Variants in MMP24 observed in about 807,000 individuals in gnomAD.
The protein encoded by MMP24 is matrix metallopeptidase 24.
In MMP24, 25 loss-of-function variants were observed where a neutral mutation model predicts 62.8. The observed-to-expected ratio is 0.40, with a 90% CI of 0.29 to 0.56. The LOEUF (loss-of-function observed/expected upper bound fraction) is 0.56. MMP24 is among the 20% of genes least tolerant of loss of function. MMP24 has a pLI of 0.50. For synonymous variants in MMP24, 319 were observed against 350.5 expected, an observed-to-expected ratio of 0.91 and a Z score of 1.00; for missense variants, 634 against 853.6, an observed-to-expected ratio of 0.74 and a Z score of 3.21.
intron 1 of MMP24, among the ~76,000 whole-genome samples, chr20:35,240,246 T>C (rs926894913): frequency 6.6e-6 from 1 of 152,112 alleles, no homozygotes; most frequent in Non-Finnish European, 1.5e-5. Flanking sequence ...CTGCCACCAC[T>C]CCGGGACTTC....
intron 1 of MMP24, among the ~76,000 whole-genome samples, chr20:35,246,391 C>T: frequency 6.6e-6 from 1 of 152,016 alleles, no homozygotes; most frequent in Non-Finnish European, 1.5e-5. Context: ...GCAGGAGAAT[C>T]ACTTGAACCC....
chr20:35,274,645 C>A lies in MMP24; in HGVS notation c.*36C>A. Reference sequence around the variant, plus strand: ...GCCCTCTCTATCCACTTGGTCTGGCCAGCCAGGCCCTTCCTCACCAGGGTC... The same window carrying A: ...GCCCTCTCTATCCACTTGGTCTGGCAAGCCAGGCCCTTCCTCACCAGGGTC... On this transcript the variant is annotated 3_prime_UTR_variant, in exon 9 of 9. Coordinates refer to ENST00000246186, the MANE Select transcript of MMP24 (RefSeq NM_006690.4). The surrounding 1 kb of genome is among the most constrained non-coding windows in gnomAD (Gnocchi z 5.1). The A allele has an allele frequency of 1.3e-6, 2 of 1,507,212 alleles. No homozygotes were observed. The highest frequency in any genetic ancestry group is 1.8e-6 in the Non-Finnish European group (2 of 1,114,266). 93.4% of individuals were successfully genotyped at this position (1,507,212 alleles called of 1,614,324 possible). A position where few individuals can be genotyped will look rare whatever the true frequency, so the allele number is the denominator to read the frequency against.
chr20:35,273,449 G>T (rs1278702521), intron 8 of MMP24, among the ~76,000 whole-genome samples: 1 of 152,046 alleles, frequency 6.6e-6, no homozygotes, highest in Admixed American at 6.6e-5. Context: ...GCTAGAGGGG[G>T]CCGTGTTAGA....
chr20:35,231,138 T>C (rs2060435697), intron 1 of MMP24, among the ~76,000 whole-genome samples: 4 of 152,240 alleles, frequency 2.6e-5, no homozygotes, highest in Admixed American at 2.0e-4. Flanking sequence ...CTGGCCTTCC[T>C]AGTTTCCAAC....
chr20:35,253,173 G>A (rs1600789096), intron 3 of MMP24, among the ~76,000 whole-genome samples: 1 of 152,310 alleles, frequency 6.6e-6, no homozygotes, highest in Non-Finnish European at 1.5e-5. Flanking sequence ...GTCATCTCAG[G>A]TGGATCCCTT....
At position 35,276,521 on chromosome 20, in the gene MMP24, C is replaced by T. The variant is rs2060707975; in HGVS notation, c.*1912C>T. 1 of 386,378 alleles carries T rather than the reference C, an allele frequency of 2.6e-6. No homozygotes were observed. The highest frequency in any genetic ancestry group is 4.6e-6 in the Non-Finnish European group (1 of 218,240). The allele number at this position is 386,378 out of a possible 1,614,324, so 23.9% of individuals were successfully genotyped here. A position where few individuals can be genotyped will look rare whatever the true frequency, so the allele number is the denominator to read the frequency against. On this transcript the variant is annotated 3_prime_UTR_variant, in exon 9 of 9. Transcript: ENST00000246186. ...GGCTGGCTGGGTCTTGTGTCCCCAT[C>T]TGTGGACCCCTCTAGGGTCTGAGAT...
At chr20:35,248,909 C>T (rs952970090) in intron 2 of MMP24, among the ~76,000 whole-genome samples, 1 of 152,176 alleles carries the variant, frequency 6.6e-6, no homozygotes, top group Non-Finnish European at 1.5e-5. Flanking sequence ...ACCACCTGGC[C>T]TTGGGTTTTA....
At chr20:35,253,211 G>A (rs182056262) in intron 3 of MMP24, among the ~76,000 whole-genome samples, 8 of 149,578 alleles carry the variant, frequency 5.3e-5, no homozygotes, top group Admixed American at 4.7e-4. Context: ...CTAAGACAGA[G>A]ATCCTCAAGA....
Position 35,266,351 on chromosome 20 carries a change from CAAAAAAAAAA to C in MMP24, c.980-839_980-830del, listed in dbSNP as rs3055615. Among the ~76,000 whole-genome samples the C allele has an allele frequency of 7.1e-5, 4 of 56,608 alleles. No individual in the cohort carries two copies. In the East Asian group the frequency reaches 2.3e-3, roughly 32 times the overall value. The allele number at this position is 56,608 out of a possible 152,430, so 37.1% of individuals were successfully genotyped here. A position where few individuals can be genotyped will look rare whatever the true frequency, so the allele number is the denominator to read the frequency against. ...TGGGGGACGGAGCGAGACTCCTTCTCAAAAAAAAAAAAAAAAAAAAAAAAGTTGGAGAGCT... is the reference window on the plus strand; with the variant it reads ...TGGGGGACGGAGCGAGACTCCTTCTCAAAAAAAAAAAAAAGTTGGAGAGCT... On this transcript the variant is annotated intron_variant, in intron 5 of 8. Transcript: ENST00000246186.
At chr20:35,235,479 T>A (rs1803332525) in intron 1 of MMP24, among the ~76,000 whole-genome samples, 1 of 152,150 alleles carries the variant, frequency 6.6e-6, no homozygotes. Context: ...GTGGATCACC[T>A]GAGGTCAGAA....
chr20:35,226,944 T>C lies in MMP24; in HGVS notation c.206T>C (p.Val69Ala). The C allele has an allele frequency of 4.1e-6, 4 of 977,834 alleles. No homozygotes were observed. The highest frequency in any genetic ancestry group is 4.8e-6 in the Non-Finnish European group (4 of 827,428). The allele number at this position is 977,834 out of a possible 1,614,324, so 60.6% of individuals were successfully genotyped here. The part of the protein sequence containing the change: ...AGNRAAVAVA[V>A]ARADEAEAPF... ...AACCGGGCAGCGGTGGCGGTGGCGG[T>C]GGCGCGGGCGGACGAGGCGGAGGCG... The change falls in exon 1 of 9, where the codon GTG becomes GCG. Residue 69 changes from valine (V) to alanine (A), a missense_variant. Physicochemically the swap from Val to Ala is moderately conservative, Grantham distance 64. This residue lies in a region of MMP24 where 212 missense variants were observed against 259.6 expected (regional missense o/e 0.82). Coordinates refer to ENST00000246186, the MANE Select transcript of MMP24 (RefSeq NM_006690.4).
Position 35,264,707 on chromosome 20 carries a change from CAAAAAAAAAAAAAAAA to C in MMP24, c.979+771_979+786del, listed in dbSNP as rs57309455. On this transcript the variant is annotated intron_variant, in intron 5 of 8. Coordinates refer to ENST00000246186, the MANE Select transcript of MMP24 (RefSeq NM_006690.4). ...TGGGCAACAGGGCGAGACTCCGTCTCAAAAAAAAAAAAAAAAAAAAAAAAAAAAAAAGAAAGAAAAG... is the reference window on the plus strand; with the variant it reads ...TGGGCAACAGGGCGAGACTCCGTCTCAAAAAAAAAAAAAAAGAAAGAAAAG... Among the ~76,000 whole-genome samples the C allele has an allele frequency of 2.3e-3, 102 of 43,554 alleles. 1 individual carries two copies. The highest frequency in any genetic ancestry group is 6.4e-3 in the African/African-American group (97 of 15,246). 28.6% of individuals were successfully genotyped at this position (43,554 alleles called of 152,430 possible). A position where few individuals can be genotyped will look rare whatever the true frequency, so the allele number is the denominator to read the frequency against.
At position 35,273,952 on chromosome 20, in the gene MMP24, GCA is replaced by G. The variant is rs1248684268; in HGVS notation, c.1601-317_1601-316del. 3.9e-5 allele frequency among the ~76,000 whole-genome samples: 6 copies of G among 152,330 alleles called. No individual in the cohort carries two copies. The East Asian group carries it at 1.2e-3, about 29-fold the overall frequency. On this transcript the variant is annotated intron_variant, in intron 8 of 8. Transcript: ENST00000246186. ...TGAGCGGGGCAAGGGGGACCTGTGC[GCA>G]CAGTGTGACAGAGCTGTGACCCAGG...
chr20:35,271,685 C>G lies in MMP24; in HGVS notation c.1450C>G (p.Pro484Ala). ...EGIDTALRWE[P>A]VGKTYFFKGE... ...CATTGACACAGCTCTGCGCTGGGAA[C>G]CTGTGGGCAAGACCTACTTTTTCAA... Residue 484 changes from proline (P) to alanine (A), a missense_variant, in exon 8 of 9, where the codon CCT (proline) becomes GCT (alanine). Pro to Ala is a conservative substitution (Grantham distance 27). Coordinates refer to ENST00000246186, the MANE Select transcript of MMP24 (RefSeq NM_006690.4). The surrounding 1 kb of genome is among the most constrained non-coding windows in gnomAD (Gnocchi z 4.0). 6.2e-7 allele frequency: 1 copy of G among 1,608,444 alleles called. No homozygotes were observed.
chr20:35,269,948 C>A lies in MMP24; in HGVS notation c.1333+50C>A. The A allele has an allele frequency of 6.5e-7, 1 of 1,546,370 alleles. No individual in the cohort carries two copies. Among genetic ancestry groups the A allele is most frequent in the Non-Finnish European group, 8.7e-7 (1 of 1,143,586 alleles). ...AGTTCCCTGCCCAAGGTCTTGGGAC[C>A]TCCTTTTTCCCATCTAAACTGGAAG... On this transcript the variant is annotated intron_variant, in intron 7 of 8. Transcript: ENST00000246186. The surrounding 1 kb of genome is among the most constrained non-coding windows in gnomAD (Gnocchi z 4.6).
At chr20:35,267,705 A>T (rs947633147) in intron 6 of MMP24, among the ~76,000 whole-genome samples, 2 of 152,158 alleles carry the variant, frequency 1.3e-5, no homozygotes, top group Admixed American at 1.3e-4. Context: ...CCTTCTTGGG[A>T]CCTCAGTTTC....
At chr20:35,252,105 T>C (rs1454036644) in intron 3 of MMP24, 84 bp downstream of exon 3, 1 of 1,114,014 alleles carries the variant, frequency 9.0e-7, no homozygotes, top group Non-Finnish European at 1.4e-6. Flanking sequence ...AGGCTCACAA[T>C]GTAGGGGGGC....
chr20:35,254,879 G>C, intron 4 of MMP24, 125 bp downstream of exon 4: 2 of 1,096,702 alleles, frequency 1.8e-6, no homozygotes, highest in East Asian at 2.5e-5. Flanking sequence ...GACCGTAAGA[G>C]GGTGGGAACT....
chr20:35,271,585 G>GT lies in MMP24; in HGVS notation c.1353dup (p.Lys452Ter). 2 of 1,613,122 alleles carry GT rather than the reference G, an allele frequency of 1.2e-6. No homozygotes were observed. Among genetic ancestry groups the GT allele is most frequent in the Non-Finnish European group, 1.7e-6 (2 of 1,179,574 alleles). ...TGGCCACAGGTGACAAGTATTGGGT[G>GT]TTTAAGGAGGTGACGGTGGAGCCTG... On this transcript the variant is annotated frameshift_variant, in exon 8 of 9. Transcript: ENST00000246186. LOFTEE classifies it high-confidence loss of function. This position sits in a 1 kb window ranked among gnomAD's most constrained non-coding sequence, Gnocchi z 4.0.
Sources: allele counts gnomAD v4.1 joint callset (sites outside exome capture counted in the v4.1 genomes callset), GRCh38; gene constraint gnomAD v4.1.1; regional missense constraint gnomAD v4.1.1; non-coding constraint Gnocchi (gnomAD v3.1); transcripts MANE v1.5; gene names NCBI Gene and HGNC (gene_info 2026-07-23, HGNC 2026-07-21).